NAV1: variants seen among roughly 807,000 people sequenced by gnomAD.
The protein encoded by NAV1 is pore membrane and/or filament interacting like protein 3.
NAV1 carries 18 observed loss-of-function variants against 175.2 expected under a neutral mutation model. The ratio of observed to expected loss-of-function variants is 0.10; its 90% CI spans 0.07 to 0.15. The LOEUF is 0.15. Ranked by LOEUF, NAV1 falls within the 10% of genes least tolerant of loss-of-function variation. The probability of loss-of-function intolerance (pLI) is 1.00; values close to 1 mark genes in which losing one functional copy is unlikely to be tolerated. For synonymous variants in NAV1, 897 were observed against 978.7 expected, an observed-to-expected ratio of 0.92 and a Z score of 1.56; for missense variants, 1,731 against 2,436.6, an observed-to-expected ratio of 0.71 and a Z score of 6.10.
chr1:201,685,290 G>T (rs1265225475), intron 1 of NAV1, among the ~76,000 whole-genome samples: 1 of 152,120 alleles, frequency 6.6e-6, no homozygotes, highest in East Asian at 1.9e-4. Context: ...GTCTTTTAAG[G>T]CTGGGCCAAA....
intron 28 of NAV1, 69 bp from the exon 33 acceptor site, chr1:201,817,019 A>G (rs369884541): frequency 6.8e-6 from 10 of 1,465,602 alleles, no homozygotes; most frequent in African/African-American, 5.6e-5. Flanking sequence ...AGGAACTACC[A>G]AAAGACTGCA....
intron 1 of NAV1, among the ~76,000 whole-genome samples, chr1:201,679,434 CCTT>C (rs1434416335): frequency 3.3e-5 from 5 of 152,120 alleles, no homozygotes; most frequent in Admixed American, 1.3e-4. Context: ...TTGTAGGTAA[CCTT>C]CTCTGTGGTT....
chr1:201,754,845 C>T (rs543686316), intron 3 of NAV1, among the ~76,000 whole-genome samples: 11 of 152,216 alleles, frequency 7.2e-5, no homozygotes, highest in East Asian at 1.9e-4. Context: ...GGAAATAATG[C>T]GTTTCATTCA....
At chr1:201,592,931 A>G (rs1314398777) in intron 2 of NAV1, among the ~76,000 whole-genome samples, 7 of 151,896 alleles carry the variant, frequency 4.6e-5, no homozygotes, top group African/African-American at 1.5e-4. Flanking sequence ...ACCATTCTCA[A>G]TTTGGGGCTA....
intron 1 of NAV1, among the ~76,000 whole-genome samples, chr1:201,584,823 T>G (rs958172932): frequency 2.0e-5 from 3 of 152,142 alleles, no homozygotes; most frequent in Non-Finnish European, 4.4e-5. Context: ...AGAAAGGGGT[T>G]TGGGGAGAGT....
At chr1:201,689,400 C>T (rs750582536) in intron 1 of NAV1, among the ~76,000 whole-genome samples, 5 of 152,146 alleles carry the variant, frequency 3.3e-5, no homozygotes, top group Non-Finnish European at 7.4e-5. Flanking sequence ...TAAATCATGT[C>T]ACCACTCAAC....
At chr1:201,806,288 G>A (rs1481795563) in intron 17 of NAV1, among the ~76,000 whole-genome samples, 6 of 152,106 alleles carry the variant, frequency 3.9e-5, no homozygotes. Flanking sequence ...CCCAGCCTAA[G>A]TACTGCATTT....
chr1:201,817,126 A>G (rs1307266003), exon 29 of NAV1: 1 of 1,614,084 alleles, frequency 6.2e-7, no homozygotes. Context: ...ACCCAGTGGA[A>G]TGGGTCCGGG....
chr1:201,702,672 T>TTCCCTCTCTCTCTCTCTCTTTCTCTC (rs1365276379), intron 1 of NAV1, among the ~76,000 whole-genome samples: 2 of 1,728 alleles, frequency 1.2e-3, no homozygotes, highest in African/African-American at 1.5e-3. Context: ...GGTATGTGAA[T>TTCCCTCTCTCTCTCTCTCTTTCTCTC]TCTCTCTCTC....
chr1:201,741,918 A>C (rs1673447250), intron 3 of NAV1, among the ~76,000 whole-genome samples: 1 of 152,210 alleles, frequency 6.6e-6, no homozygotes, highest in South Asian at 2.1e-4. Context: ...ACTTCTGGGC[A>C]GGTGTGCCAG....
At position 201,655,826 on chromosome 1, in the gene NAV1, G is replaced by T. The variant is rs149816917; in HGVS notation, c.757+6401G>T. On this transcript the variant is annotated intron_variant, in intron 1 of 29. Coordinates refer to ENST00000367296, the Ensembl canonical transcript of NAV1. ...AGGGTGACCCGCTTTTCACCATGGT[G>T]CTTTGCACCTTCTATAAGCACCTTT... Among the ~76,000 whole-genome samples the T allele has an allele frequency of 1.8e-4, 27 of 152,324 alleles. No individual in the cohort carries two copies. The East Asian group carries it at 5.2e-3, about 29-fold the overall frequency.
At chr1:201,703,299 C>T (rs1224543161) in intron 1 of NAV1, among the ~76,000 whole-genome samples, 1 of 152,250 alleles carries the variant, frequency 6.6e-6, no homozygotes, top group Non-Finnish European at 1.5e-5. Context: ...CAGGCTGAGA[C>T]AGGCAGGCCA....
chr1:201,615,148 A>G (rs1667966257), intron 2 of NAV1, among the ~76,000 whole-genome samples: 2 of 152,168 alleles, frequency 1.3e-5, no homozygotes, highest in Non-Finnish European at 2.9e-5. Context: ...CTCACCTGCC[A>G]TCCACCAGAC....
intron 3 of NAV1, among the ~76,000 whole-genome samples, chr1:201,729,408 G>A (rs1208013862): frequency 1.3e-5 from 2 of 152,188 alleles, no homozygotes; most frequent in African/African-American, 4.8e-5. Context: ...ACTTTGGGAG[G>A]CCAAGGTGGA....
Position 201,718,404 on chromosome 1 carries a change from C to A in NAV1, c.875C>A (p.Thr292Asn). 1.9e-6 allele frequency: 3 copies of A among 1,540,708 alleles called. No individual in the cohort carries two copies. The change falls in exon 3 of 30, where the codon ACC becomes AAC. Residue 292 changes from threonine to asparagine, a missense_variant. Thr to Asn is a moderately conservative substitution (Grantham distance 65, BLOSUM62 0). This residue lies in a region of NAV1 where 487 missense variants were observed against 581.3 expected (regional missense o/e 0.84). Coordinates refer to ENST00000367296, the Ensembl canonical transcript of NAV1. This position sits in a 1 kb window ranked among gnomAD's most constrained non-coding sequence, Gnocchi z 4.8. The stretch of plus-strand genomic sequence containing the variant: ...TCTCCACCCAGCTCCCTGGAGATGA[C>A]CTGCTACGACAGCGATGATGCCAAC...
chr1:201,608,322 A>G (rs1667747950), intron 2 of NAV1, among the ~76,000 whole-genome samples: 1 of 152,188 alleles, frequency 6.6e-6, no homozygotes, highest in South Asian at 2.1e-4. Context: ...ATGAGAGCTG[A>G]TAAGTGGTAT....
chr1:201,629,525 G>T lies in NAV1; in HGVS notation c.4+18G>T, dbSNP rs778877070. The T allele has an allele frequency of 7.7e-7, 1 of 1,297,798 alleles. No individual in the cohort carries two copies. Among genetic ancestry groups the T allele is most frequent in the Non-Finnish European group, 1.0e-6 (1 of 984,610 alleles). 80.4% of individuals were successfully genotyped at this position (1,297,798 alleles called of 1,614,324 possible). ...CTGCATGGGTAAGTGATCTGGGGGA[G>T]ACTTCCTCCTAGGGTCGGGAGGCCA... On this transcript the variant is annotated intron_variant, in intron 2 of 29. Transcript: ENST00000367302.
intron 2 of NAV1, among the ~76,000 whole-genome samples, chr1:201,589,496 T>G (rs1667128906): frequency 6.6e-6 from 1 of 152,152 alleles, no homozygotes; most frequent in African/African-American, 2.4e-5. Context: ...TTTTGTTTTG[T>G]TTTTCGTTTT....
Position 201,809,874 on chromosome 1 carries a change from G to C in NAV1, c.4402-72G>C, listed in dbSNP as rs374722037. On this transcript the variant is annotated intron_variant, in intron 22 of 29. Transcript: ENST00000367296. ...CCATCTATTTCTGTTTCCTCTGATA[G>C]ACATTCTTTGTTGTGGCTTTTACAC... 71 of 1,386,888 alleles carry C rather than the reference G, an allele frequency of 5.1e-5. No individual in the cohort carries two copies. In the African/African-American group the frequency reaches 9.3e-4, roughly 18 times the overall value. The allele number at this position is 1,386,888 out of a possible 1,614,324, so 85.9% of individuals were successfully genotyped here. A position where few individuals can be genotyped will look rare whatever the true frequency, so the allele number is the denominator to read the frequency against.
Sources: allele counts gnomAD v4.1 joint callset (sites outside exome capture counted in the v4.1 genomes callset), GRCh38; gene constraint gnomAD v4.1.1; regional missense constraint gnomAD v4.1.1; non-coding constraint Gnocchi (gnomAD v3.1); transcripts MANE v1.5; gene names NCBI Gene and HGNC (gene_info 2026-07-23, HGNC 2026-07-21).